The following TOMM20L variants were observed in gnomAD, a reference collection of about 807,000 sequenced individuals.
TOMM20L encodes the protein translocase of outer mitochondrial membrane 20 like.
TOMM20L carries 19 observed loss-of-function variants against 20.4 expected under a neutral mutation model. That is an observed-to-expected ratio of 0.93 (90% CI 0.65 to 1.36). The LOEUF (loss-of-function observed/expected upper bound fraction) is 1.36. Among genes scored for constraint, TOMM20L ranks in the 40% most tolerant of loss-of-function variants. The probability of loss-of-function intolerance (pLI) is 0.00; values close to 1 mark genes in which losing one functional copy is unlikely to be tolerated. For missense variants in TOMM20L, 218 were observed against 203.7 expected, an observed-to-expected ratio of 1.07 and a Z score of -0.43; for synonymous variants, 75 against 79.6, an observed-to-expected ratio of 0.94 and a Z score of 0.30.
rs150429972 is a variant in TOMM20L, at chr14:58,400,273, C to T, written c.181-2407C>T. Among the ~76,000 whole-genome samples, 71 of 151,692 alleles carry T rather than the reference C, an allele frequency of 4.7e-4. No homozygotes were observed. The East Asian group carries it at 0.011, about 23-fold the overall frequency. On this transcript the variant is annotated intron_variant, in intron 2 of 4. Transcript: ENST00000360945. ...ATGCAAAATTAGCCAGGCATGGTGG[C>T]GCACGCCTATAGTCCCAGGTCCCTG...
downstream of TOMM20L, chr14:58,411,860 C>A: frequency 6.3e-7 from 1 of 1,576,536 alleles, no homozygotes; most frequent in South Asian, 1.1e-5. Context: ...TTAGTAGCAC[C>A]TTACATTTTT....
At chr14:58,398,643 A>G (rs1297872026) in intron 2 of TOMM20L, 1 of 151,934 alleles carries the variant, frequency 6.6e-6, no homozygotes, top group African/African-American at 2.4e-5. Context: ...GGCAGTTCAT[A>G]TGGGAAATAA....
downstream of TOMM20L, chr14:58,408,905 C>A: frequency 7.3e-7 from 1 of 1,377,134 alleles, no homozygotes; most frequent in East Asian, 2.4e-5. Context: ...TTTCCATTTG[C>A]CAAACAGTCA....
downstream of TOMM20L, chr14:58,411,847 G>A (rs2036230230): frequency 1.8e-5 from 27 of 1,483,384 alleles, no homozygotes; most frequent in South Asian, 2.7e-4. Context: ...TGACATGGTG[G>A]CATTAGTAGC....
Position 58,396,034 on chromosome 14 carries a change from G to GT in TOMM20L, c.78dup (p.Ile27TyrfsTer29), listed in dbSNP as rs764998062. 2 of 1,440,436 alleles carry GT rather than the reference G, an allele frequency of 1.4e-6. No individual in the cohort carries two copies. Among genetic ancestry groups the GT allele is most frequent in the Admixed American group, 2.4e-5 (1 of 41,938 alleles). 89.2% of individuals were successfully genotyped at this position (1,440,436 alleles called of 1,614,324 possible). ...GGCGCCTTCGCCTTCCTGGGCTATTGTATTTACCTCAACCGGAAGCGGCGC... is the reference window on the plus strand; with the variant it reads ...GGCGCCTTCGCCTTCCTGGGCTATTGTTATTTACCTCAACCGGAAGCGGCGC... On this transcript the variant is annotated frameshift_variant, in exon 1 of 5. Transcript: ENST00000360945. LOFTEE classifies it high-confidence loss of function.
In TOMM20L at chr14:58,395,966, C is replaced by A. The variant is rs377328136; in HGVS notation, c.9C>A (p.Ser3=). MP[S]VRSLLRLLAA... is the part of the protein sequence containing the mutation. ...GGGACGCCCGCGGTCGGATGCCCTC[C>A]GTCCGCTCCCTCCTCCGCCTCTTGG... The change falls in exon 1 of 5, where the codon TCC becomes TCA. Residue 3 remains serine, a synonymous_variant. Coordinates refer to ENST00000360945, the MANE Select transcript of TOMM20L (RefSeq NM_207377.3). The A allele has an allele frequency of 4.9e-6, 7 of 1,441,708 alleles. No homozygotes were observed. Among genetic ancestry groups the A allele is most frequent in the South Asian group, 1.5e-5 (1 of 65,404 alleles). 89.3% of individuals were successfully genotyped at this position (1,441,708 alleles called of 1,614,324 possible).
chr14:58,408,821 T>G, downstream of TOMM20L: 1 of 730,586 alleles, frequency 1.4e-6, no homozygotes, highest in Non-Finnish European at 2.1e-6. Flanking sequence ...ATGTTGCATC[T>G]TATTATTTCA....
rs759363280 is a variant in TOMM20L at position 58,396,070 on chromosome 14, C to A, written c.113C>A (p.Ala38Glu). ...YLNRKRRGDPAFKRRLRDKRR... is the reference protein window; with the variant it reads ...YLNRKRRGDPEFKRRLRDKRR... The stretch of plus-strand genomic sequence containing the variant: ...AACCGGAAGCGGCGCGGGGACCCCG[C>A]GTTCAAGCGCCGCCTGCGGGACAGT... The change falls in exon 1 of 5, where the codon GCG becomes GAG. Residue 38 changes from alanine (A) to glutamate (E), a missense_variant. Coordinates refer to ENST00000360945, the MANE Select transcript of TOMM20L (RefSeq NM_207377.3). 2.1e-6 allele frequency: 3 copies of A among 1,403,006 alleles called. No individual in the cohort carries two copies. Among genetic ancestry groups the A allele is most frequent in the South Asian group, 1.8e-5 (1 of 54,358 alleles). The allele number at this position is 1,403,006 out of a possible 1,614,324, so 86.9% of individuals were successfully genotyped here. A position where few individuals can be genotyped will look rare whatever the true frequency, so the allele number is the denominator to read the frequency against.
chr14:58,408,525 C>A lies in TOMM20L; in HGVS notation c.406-4C>A. 1 of 1,613,282 alleles carries A rather than the reference C, an allele frequency of 6.2e-7. No individual in the cohort carries two copies. The highest frequency in any genetic ancestry group is 8.5e-7 in the Non-Finnish European group (1 of 1,179,636). The stretch of plus-strand genomic sequence containing the variant: ...AGCAAGTAACTATTTTATGTATTCA[C>A]CAGCAATTTGAGGCAGACATGAATG... On this transcript the variant is annotated splice_polypyrimidine_tract_variant and splice_region_variant and intron_variant, in intron 4 of 4. Coordinates refer to ENST00000360945, the MANE Select transcript of TOMM20L (RefSeq NM_207377.3).
chr14:58,412,220 G>A, downstream of TOMM20L: 1 of 339,842 alleles, frequency 2.9e-6, no homozygotes, highest in Non-Finnish European at 5.5e-6. Flanking sequence ...TTGGCTCACT[G>A]CAACCTCTGC....
the TOMM20L span, among the ~76,000 whole-genome samples, chr14:58,416,061 A>G: frequency 6.6e-6 from 1 of 151,308 alleles, no homozygotes; most frequent in African/African-American, 2.4e-5. Flanking sequence ...ACTGAAAAAA[A>G]AAAAAAAAAT....
intron 3 of TOMM20L, among the ~76,000 whole-genome samples, chr14:58,405,856 A>G (rs1026099736): frequency 1.3e-5 from 2 of 152,106 alleles, no homozygotes; most frequent in Admixed American, 1.3e-4. Flanking sequence ...CTTATATTGC[A>G]GTTCTCGGTC....
At chr14:58,399,507 C>T (rs927506546) in intron 2 of TOMM20L, among the ~76,000 whole-genome samples, 6 of 152,000 alleles carry the variant, frequency 3.9e-5, no homozygotes, top group Non-Finnish European at 8.8e-5. Flanking sequence ...GGGTGGAGTC[C>T]AAGAAACTGC....
chr14:58,407,505 C>T (rs754890520), intron 4 of TOMM20L, 37 bp downstream of exon 4: 3 of 1,580,570 alleles, frequency 1.9e-6, no homozygotes, highest in South Asian at 2.3e-5. Flanking sequence ...GAAATGTACA[C>T]AGTAAATAGC....
chr14:58,408,215 G>A (rs888796701), intron 4 of TOMM20L, among the ~76,000 whole-genome samples: 16 of 152,060 alleles, frequency 1.1e-4, no homozygotes, highest in Non-Finnish European at 2.1e-4. Flanking sequence ...TCAGAAGTTC[G>A]AGACCAGCCT....
At chr14:58,411,896 G>C, downstream of TOMM20L, 1 of 1,613,424 alleles carries the variant, frequency 6.2e-7, no homozygotes, top group Non-Finnish European at 8.5e-7. Flanking sequence ...CCCTTAATTA[G>C]AATACCTTAC....
At chr14:58,403,712 C>A (rs1250202008) in intron 3 of TOMM20L, among the ~76,000 whole-genome samples, 1 of 151,854 alleles carries the variant, frequency 6.6e-6, no homozygotes, top group Non-Finnish European at 1.5e-5. Flanking sequence ...GTGGTGGGCG[C>A]CTGTAGTCCC....
Position 58,396,086 on chromosome 14 carries a change from G to A in TOMM20L, c.129G>A (p.Leu43=). ...RRGDPAFKRR[L]RDKRRAEPQK... ...GGGACCCCGCGTTCAAGCGCCGCCT[G>A]CGGGACAGTGAGTGGGACCGAGGCG... The change falls in exon 1 of 5, where the codon CTG becomes CTA. Residue 43 remains leucine, a synonymous_variant. Coordinates refer to ENST00000360945, the MANE Select transcript of TOMM20L (RefSeq NM_207377.3). 2 of 1,388,456 alleles carry A rather than the reference G, an allele frequency of 1.4e-6. No homozygotes were observed. Among genetic ancestry groups the A allele is most frequent in the Non-Finnish European group, 9.4e-7 (1 of 1,067,666 alleles). The allele number at this position is 1,388,456 out of a possible 1,614,324, so 86.0% of individuals were successfully genotyped here. A position where few individuals can be genotyped will look rare whatever the true frequency, so the allele number is the denominator to read the frequency against.
intron 3 of TOMM20L, 134 bp downstream of exon 3, chr14:58,402,895 C>T: frequency 1.4e-5 from 9 of 663,688 alleles, no homozygotes; most frequent in Non-Finnish European, 2.4e-5. Flanking sequence ...ACTATCCCAG[C>T]ATGTTCACTT....
Sources: gnomAD v4.1 joint callset for allele counts (sites outside exome capture counted in the v4.1 genomes callset) on GRCh38, gnomAD v4.1.1 for gene constraint, MANE v1.5 for transcripts, NCBI Gene and HGNC (gene_info 2026-07-23, HGNC 2026-07-21) for gene names.